Variants in RAI1 observed in about 807,000 individuals in gnomAD.
The protein encoded by RAI1 is retinoic acid-induced protein 1.
RAI1 carries 9 observed loss-of-function variants against 123.8 expected under a neutral mutation model. The ratio of observed to expected loss-of-function variants is 0.07; its 90% CI spans 0.04 to 0.13. The LOEUF is 0.13. Among genes scored for constraint, RAI1 ranks in the 10% least tolerant of loss-of-function variants. The pLI is 1.00. For synonymous variants in RAI1, 1,231 were observed against 1,127.3 expected, an observed-to-expected ratio of 1.09 and a Z score of -1.84; for missense variants, 2,256 against 2,545.8, an observed-to-expected ratio of 0.89 and a Z score of 2.45.
intron 4 of RAI1, among the ~76,000 whole-genome samples, chr17:17,804,352 G>A (rs1281044978): frequency 6.6e-6 from 1 of 152,132 alleles, no homozygotes; most frequent in Admixed American, 6.5e-5. Context: ...GGGGTATGGA[G>A]GTAGGCCCAG....
rs558235435 is a variant in RAI1 at position 17,755,064 on chromosome 17, C to G, written c.-17+30905C>G. Among the ~76,000 whole-genome samples the G allele has an allele frequency of 4.6e-5, 7 of 152,276 alleles. No individual in the cohort carries two copies. The South Asian group carries it at 1.2e-3, about 27-fold the overall frequency. On this transcript the variant is annotated intron_variant, in intron 2 of 5. Coordinates refer to ENST00000353383, the MANE Select transcript of RAI1 (RefSeq NM_030665.4). ...CCCCCACAACATTCACACCATGCCT[C>G]CCCCTGAAGGCTTTGCCTGACGTTT...
intron 1 of RAI1, among the ~76,000 whole-genome samples, chr17:17,716,945 G>A (rs1432615095): frequency 6.6e-6 from 1 of 152,218 alleles, no homozygotes. Context: ...ACCACTGGGG[G>A]ACCCCACCAG....
At position 17,793,527 on chromosome 17, in the gene RAI1, G is replaced by A; in HGVS notation, c.579G>A (p.Leu193=). The stretch of plus-strand genomic sequence containing the variant: ...ACCCCAAGCTCCAAAGGCAGAAGCT[G>A]CAGAACGACATTGCCTCCCCTCTGC... ...LAYPKLQRQK[L]QNDIASPLPF... Residue 193 remains leucine, a synonymous_variant, in exon 3 of 6, where the codon CTG becomes CTA. Coordinates refer to ENST00000353383, the MANE Select transcript of RAI1 (RefSeq NM_030665.4). 6 of 1,614,016 alleles carry A rather than the reference G, an allele frequency of 3.7e-6. No individual in the cohort carries two copies. Among genetic ancestry groups the A allele is most frequent in the Non-Finnish European group, 3.4e-6 (4 of 1,180,020 alleles).
intron 1 of RAI1, among the ~76,000 whole-genome samples, chr17:17,691,092 A>G (rs959277045): frequency 3.3e-5 from 5 of 152,228 alleles, no homozygotes; most frequent in Non-Finnish European, 5.9e-5. Flanking sequence ...GGGTAAAGTC[A>G]TCGGGTATTC....
intron 2 of RAI1, chr17:17,759,174 C>T (rs2030577251): frequency 6.6e-6 from 1 of 152,190 alleles, no homozygotes; most frequent in South Asian, 2.1e-4. Context: ...TGCTGTATGT[C>T]CATCCCCACA....
Position 17,800,226 on chromosome 17 carries a change from CT to C in RAI1, c.5565+1714del, listed in dbSNP as rs2032414470. ...TCTCTCTCTCTCTCTCTCTCTCTCT[CT>C]CATTACTGGCTCCTTCCCAGCGCCT... On this transcript the variant is annotated intron_variant, in intron 3 of 5. Transcript: ENST00000353383. The surrounding 1 kb of genome is among the most constrained non-coding windows in gnomAD (Gnocchi z 4.7). 7.2e-6 allele frequency among the ~76,000 whole-genome samples: 1 copy of C among 138,604 alleles called. No individual in the cohort carries two copies. Among genetic ancestry groups the C allele is most frequent in the African/African-American group, 2.7e-5 (1 of 36,444 alleles). 90.9% of individuals were successfully genotyped at this position (138,604 alleles called of 152,430 possible). A position where few individuals can be genotyped will look rare whatever the true frequency, so the allele number is the denominator to read the frequency against.
At chr17:17,752,309 C>T (rs2030214708) in intron 2 of RAI1, among the ~76,000 whole-genome samples, 1 of 152,248 alleles carries the variant, frequency 6.6e-6, no homozygotes, top group Non-Finnish European at 1.5e-5. Flanking sequence ...GGCAGACGCC[C>T]CTGATTGGCC....
chr17:17,714,431 C>T lies in RAI1; in HGVS notation c.-148-9597C>T, dbSNP rs927558723. Among the ~76,000 whole-genome samples the T allele has an allele frequency of 6.6e-6, 1 of 152,204 alleles. No individual in the cohort carries two copies. Among genetic ancestry groups the T allele is most frequent in the Non-Finnish European group, 1.5e-5 (1 of 68,040 alleles). On this transcript the variant is annotated intron_variant, in intron 1 of 5. Transcript: ENST00000353383. The surrounding 1 kb of genome is among the most constrained non-coding windows in gnomAD (Gnocchi z 4.9). ...ATCGCTGTGAAATTGGAATTTGATACTAATCCTGGAGATTGAAAACTCAAA... is the reference window on the plus strand; with the variant it reads ...ATCGCTGTGAAATTGGAATTTGATATTAATCCTGGAGATTGAAAACTCAAA...
At chr17:17,748,022 C>T (rs551762343) in intron 2 of RAI1, among the ~76,000 whole-genome samples, 1 of 152,330 alleles carries the variant, frequency 6.6e-6, no homozygotes, top group African/African-American at 2.4e-5. Flanking sequence ...TGTGATCGTG[C>T]GACTGCACTC....
At chr17:17,718,591 A>C (rs567015006) in intron 1 of RAI1, among the ~76,000 whole-genome samples, 70 of 152,308 alleles carry the variant, frequency 4.6e-4, no homozygotes, top group Middle Eastern at 3.4e-3. Flanking sequence ...CGCCTGGAAC[A>C]TGGTGGGTTC....
intron 2 of RAI1, among the ~76,000 whole-genome samples, chr17:17,750,878 G>T (rs73981049): frequency 0.026 from 3,964 of 152,206 alleles, 194 homozygotes; most frequent in African/African-American, 0.091. Context: ...CTCTGGTTTT[G>T]TGCTTGTCCA....
At chr17:17,786,988 C>T (rs1162232313) in intron 2 of RAI1, among the ~76,000 whole-genome samples, 1 of 152,210 alleles carries the variant, frequency 6.6e-6, no homozygotes. Flanking sequence ...TTGTGGTGAG[C>T]CCAGATCGCG....
At chr17:17,742,375 T>C (rs945748716) in intron 2 of RAI1, among the ~76,000 whole-genome samples, 4 of 152,226 alleles carry the variant, frequency 2.6e-5, no homozygotes, top group African/African-American at 9.7e-5. Flanking sequence ...TGCCGAGGCC[T>C]GAGGTAGCAG....
At position 17,796,730 on chromosome 17, in the gene RAI1, A is replaced by C; in HGVS notation, c.3782A>C (p.Glu1261Ala). The change falls in exon 3 of 6, where the codon GAG becomes GCG. Residue 1261 changes from glutamate to alanine, a missense_variant. By Grantham distance (107) the Glu-to-Ala change is moderately radical. Transcript: ENST00000353383. The surrounding 1 kb of genome is among the most constrained non-coding windows in gnomAD (Gnocchi z 5.8). The part of the protein sequence containing the change: ...ASGNGGDGKE[E>A]RPEGSPTLFK... Reference sequence around the variant, plus strand: ...GGCAATGGGGGAGATGGGAAGGAGGAGAGGCCTGAGGGTTCCCCCACCCTC... The same window carrying C: ...GGCAATGGGGGAGATGGGAAGGAGGCGAGGCCTGAGGGTTCCCCCACCCTC... 1 of 1,612,700 alleles carries C rather than the reference A, an allele frequency of 6.2e-7. No homozygotes were observed. Among genetic ancestry groups the C allele is most frequent in the Non-Finnish European group, 8.5e-7 (1 of 1,179,134 alleles).
chr17:17,730,418 G>T (rs976210465), intron 2 of RAI1, among the ~76,000 whole-genome samples: 11 of 152,254 alleles, frequency 7.2e-5, no homozygotes, highest in Non-Finnish European at 1.2e-4. Flanking sequence ...TGGCTGCCTG[G>T]CCCTCATGGG....
intron 1 of RAI1, among the ~76,000 whole-genome samples, chr17:17,709,846 T>C (rs1303052944): frequency 6.6e-6 from 1 of 152,162 alleles, no homozygotes; most frequent in Non-Finnish European, 1.5e-5. Flanking sequence ...TGGAGCCAGA[T>C]AGAATGAGCA....
rs760373764 is a variant in RAI1, at chr17:17,796,155, C to T, written c.3207C>T (p.Pro1069=). The T allele has an allele frequency of 1.7e-5, 27 of 1,565,160 alleles. 1 individual carries two copies. The highest frequency in any genetic ancestry group is 6.8e-5 in the African/African-American group (5 of 73,658). The change falls in exon 3 of 6, where the codon CCC becomes CCT. Residue 1069 remains proline, a synonymous_variant. Coordinates refer to ENST00000353383, the MANE Select transcript of RAI1 (RefSeq NM_030665.4). This position sits in a 1 kb window ranked among gnomAD's most constrained non-coding sequence, Gnocchi z 5.8. ...SLTALSEPRT[P]GPPGLTTTPA... ...CGGCCCTGAGTGAGCCCCGCACGCC[C>T]GGACCCCCAGGCCTGACCACCACCC...
At chr17:17,700,623 CGGGGA>C (rs999369164) in intron 1 of RAI1, among the ~76,000 whole-genome samples, 1 of 152,048 alleles carries the variant, frequency 6.6e-6, no homozygotes, top group African/African-American at 2.4e-5. Context: ...CGACGCCCGG[CGGGGA>C]GGGGAGGGGA....
intron 1 of RAI1, among the ~76,000 whole-genome samples, chr17:17,687,375 C>G (rs1453596409): frequency 6.6e-6 from 1 of 152,104 alleles, no homozygotes; most frequent in Non-Finnish European, 1.5e-5. Context: ...TGCTCTTGCA[C>G]TGATGGTCTG....
Sources: gnomAD v4.1 joint callset for allele counts (sites outside exome capture counted in the v4.1 genomes callset) on GRCh38, gnomAD v4.1.1 for gene constraint, Gnocchi (gnomAD v3.1) non-coding constraint, MANE v1.5 for transcripts, NCBI Gene and HGNC (gene_info 2026-07-23, HGNC 2026-07-21) for gene names.